Variants in SLC39A12 observed in about 807,000 individuals in gnomAD.
SLC39A12 encodes zinc transporter ZIP12.
In SLC39A12, 63 loss-of-function variants were observed where a neutral mutation model predicts 71.1. That is an observed-to-expected ratio of 0.89 (90% CI 0.72 to 1.09). SLC39A12 has a LOEUF of 1.09. SLC39A12 is among the 50% of genes least tolerant of loss of function. The probability of loss-of-function intolerance (pLI) is 0.00; values close to 1 mark genes in which losing one functional copy is unlikely to be tolerated. For synonymous variants in SLC39A12, 351 were observed against 301.3 expected, an observed-to-expected ratio of 1.16 and a Z score of -1.71; for missense variants, 892 against 812.6, an observed-to-expected ratio of 1.10 and a Z score of -1.19.
chr10:17,965,161 C>T (rs941269977), intron 3 of SLC39A12, among the ~76,000 whole-genome samples: 8 of 151,744 alleles, frequency 5.3e-5, no homozygotes, highest in African/African-American at 1.5e-4. Flanking sequence ...GAGTCAAAAT[C>T]GTGCCACTTT....
At chr10:17,985,530 A>G (rs1402501920) in intron 6 of SLC39A12, among the ~76,000 whole-genome samples, 1 of 152,052 alleles carries the variant, frequency 6.6e-6, no homozygotes, top group Non-Finnish European at 1.5e-5. Flanking sequence ...TTGTATATCC[A>G]TAGTCACTGA....
intron 12 of SLC39A12, among the ~76,000 whole-genome samples, chr10:18,038,819 G>A (rs754721846): frequency 6.6e-6 from 1 of 152,090 alleles, no homozygotes; most frequent in Non-Finnish European, 1.5e-5. Flanking sequence ...CCCAAATCTA[G>A]GGTCTACTTC....
intron 12 of SLC39A12, among the ~76,000 whole-genome samples, chr10:18,018,459 T>C (rs576273489): frequency 6.6e-6 from 1 of 152,312 alleles, no homozygotes; most frequent in Admixed American, 6.5e-5. Flanking sequence ...GCCTTTCTTC[T>C]GATTTTAGTG....
rs1345669018 is a variant in SLC39A12, at chr10:18,030,783, C to G, written c.1948-11922C>G. ...ATTAGGTATATCTCCCAATGCTATC[C>G]CTCCCCCTCCCCCCTCCCCCCACCC... On this transcript the variant is annotated intron_variant, in intron 12 of 12. Coordinates refer to ENST00000377369, the MANE Select transcript of SLC39A12 (RefSeq NM_001145195.2). Among the ~76,000 whole-genome samples, 4 of 117,824 alleles carry G rather than the reference C, an allele frequency of 3.4e-5. No homozygotes were observed. The Admixed American group carries it at 3.5e-4, about 10-fold the overall frequency. The allele number at this position is 117,824 out of a possible 152,430, so 77.3% of individuals were successfully genotyped here.
At chr10:18,036,311 G>T (rs550088536) in intron 12 of SLC39A12, among the ~76,000 whole-genome samples, 4 of 152,150 alleles carry the variant, frequency 2.6e-5, no homozygotes. Context: ...CTCCGTGGGC[G>T]TAGGACCCTC....
At chr10:17,976,827 G>A (rs1262159086) in intron 4 of SLC39A12, among the ~76,000 whole-genome samples, 3 of 152,112 alleles carry the variant, frequency 2.0e-5, no homozygotes, top group Non-Finnish European at 4.4e-5. Flanking sequence ...TCTTGAACAC[G>A]TATGTTCAGG....
At chr10:17,958,890 TTTG>T in intron 2 of SLC39A12, among the ~76,000 whole-genome samples, 1 of 152,262 alleles carries the variant, frequency 6.6e-6, no homozygotes, top group Non-Finnish European at 1.5e-5. Flanking sequence ...CTGGAGACAT[TTTG>T]TTTTTCACAC....
chr10:18,000,900 G>T (rs1835816152), intron 11 of SLC39A12, 75 bp downstream of exon 11: 5 of 1,392,416 alleles, frequency 3.6e-6, no homozygotes, highest in Non-Finnish European at 3.9e-6. Flanking sequence ...TGGTTTACTA[G>T]GATTCTTTTT....
At chr10:18,021,428 T>C (rs544531405) in intron 12 of SLC39A12, among the ~76,000 whole-genome samples, 3 of 152,224 alleles carry the variant, frequency 2.0e-5, no homozygotes, top group South Asian at 2.1e-4. Flanking sequence ...TTGTCTAAGA[T>C]AAGAATAGCA....
chr10:18,011,410 C>A (rs1404683134), intron 12 of SLC39A12, among the ~76,000 whole-genome samples: 1 of 152,180 alleles, frequency 6.6e-6, no homozygotes, highest in African/African-American at 2.4e-5. Context: ...TTCTTAATAA[C>A]ATTTTCTTTT....
rs1837181641 is a variant in SLC39A12 at position 18,040,194 on chromosome 10, A to T, written c.1948-2511A>T. 2.0e-5 allele frequency among the ~76,000 whole-genome samples: 3 copies of T among 152,192 alleles called. No individual in the cohort carries two copies. In the South Asian group the frequency reaches 6.2e-4, roughly 31 times the overall value. On this transcript the variant is annotated intron_variant, in intron 12 of 12. Transcript: ENST00000377369. ...ATCCACATTCCATAGATTTTCCAAA[A>T]TGGCATTTTGAATTTATAATTGATG...
chr10:17,967,449 G>A (rs1834855305), intron 4 of SLC39A12, among the ~76,000 whole-genome samples: 1 of 152,122 alleles, frequency 6.6e-6, no homozygotes, highest in Non-Finnish European at 1.5e-5. Flanking sequence ...TCCTATAATA[G>A]AAAAACTTCC....
intron 8 of SLC39A12, among the ~76,000 whole-genome samples, chr10:17,992,416 G>A (rs1304575157): frequency 1.3e-5 from 2 of 152,178 alleles, no homozygotes; most frequent in Non-Finnish European, 2.9e-5. Context: ...TAATAAAGCA[G>A]GACTTTTCTT....
In SLC39A12 at chr10:18,003,192, G is replaced by A. The variant is rs138400491; in HGVS notation, c.1781G>A (p.Ser594Asn). Residue 594 changes from serine to asparagine, a missense_variant, in exon 12 of 13, where the codon AGC becomes AAC. Coordinates refer to ENST00000377369, the MANE Select transcript of SLC39A12 (RefSeq NM_001145195.2). ...TCAGGAGACTTTGCCGTGCTCTTAA[G>A]CTCTGGACTTTCTATGAAGACTGCC... ...HEMGDFAVLL[S>N]SGLSMKTAIL... The A allele has an allele frequency of 1.9e-5, 30 of 1,613,900 alleles. No individual in the cohort carries two copies. The highest frequency in any genetic ancestry group is 6.7e-5 in the Admixed American group (4 of 59,978).
At chr10:17,983,488 A>G (rs1186823713) in intron 6 of SLC39A12, among the ~76,000 whole-genome samples, 2 of 152,020 alleles carry the variant, frequency 1.3e-5, no homozygotes, top group Non-Finnish European at 2.9e-5. Context: ...CCCTGTCTTA[A>G]AAACAAGAAC....
intron 4 of SLC39A12, among the ~76,000 whole-genome samples, chr10:17,969,125 T>C (rs890872190): frequency 6.6e-6 from 1 of 152,238 alleles, no homozygotes; most frequent in Non-Finnish European, 1.5e-5. Context: ...TTGATCTCAT[T>C]CTTTTTTATG....
At chr10:17,991,790 A>C (rs1835554407) in intron 8 of SLC39A12, among the ~76,000 whole-genome samples, 1 of 152,172 alleles carries the variant, frequency 6.6e-6, no homozygotes, top group Admixed American at 6.5e-5. Flanking sequence ...AGTAGCTGAT[A>C]AATGTCTACA....
intron 4 of SLC39A12, 130 bp from the exon 5 acceptor site, chr10:17,977,772 G>A: frequency 1.5e-6 from 1 of 659,632 alleles, no homozygotes. Flanking sequence ...TGTCCATTCT[G>A]TCATCTCTAG....
intron 12 of SLC39A12, among the ~76,000 whole-genome samples, chr10:18,003,623 A>G (rs1835902008): frequency 6.6e-6 from 1 of 152,150 alleles, no homozygotes; most frequent in Non-Finnish European, 1.5e-5. Context: ...TTTTTCTTTT[A>G]GTGATTTTAA....
Sources: gnomAD v4.1 joint callset for allele counts (sites outside exome capture counted in the v4.1 genomes callset) on GRCh38, gnomAD v4.1.1 for gene constraint, MANE v1.5 for transcripts, NCBI Gene and HGNC (gene_info 2026-07-23, HGNC 2026-07-21) for gene names.